The following FBN2 variants were observed in gnomAD, a reference collection of about 807,000 sequenced individuals.
The protein encoded by FBN2 is fibrillin 2.
A neutral mutation model predicts 355.6 loss-of-function variants in FBN2; 105 were observed. That is an observed-to-expected ratio of 0.30 (90% CI 0.25 to 0.35). The LOEUF (loss-of-function observed/expected upper bound fraction) is 0.35. Among genes scored for constraint, FBN2 ranks in the 10% least tolerant of loss-of-function variants. The probability of loss-of-function intolerance (pLI) is 1.00; values close to 1 mark genes in which losing one functional copy is unlikely to be tolerated. For synonymous variants in FBN2, 1,350 were observed against 1,301.2 expected (o/e 1.04, Z -0.81); for missense variants, 3,280 against 3,758.7 (o/e 0.87, Z 3.33).
chr5:128,276,901 A>G lies in FBN2; in HGVS notation c.7472-741T>C, dbSNP rs548240303. ...TTTTGTGCACACTGCTCACACGTGT[A>G]TAGACAGTCTTTTTGTTAGACCCTC... On this transcript the variant is annotated intron_variant, in intron 58 of 64. Transcript: ENST00000262464. Among the ~76,000 whole-genome samples the G allele has an allele frequency of 4.6e-5, 7 of 152,304 alleles. No homozygotes were observed. In the East Asian group the frequency reaches 1.4e-3, roughly 29 times the overall value.
intron 64 of FBN2, among the ~76,000 whole-genome samples, chr5:128,260,268 C>G (rs1561734298): frequency 6.6e-6 from 1 of 151,896 alleles, no homozygotes; most frequent in Non-Finnish European, 1.5e-5. Flanking sequence ...GGGGAATCTT[C>G]TGTCTGAAAG....
chr5:128,260,588 A>G (rs1764940356), intron 64 of FBN2, among the ~76,000 whole-genome samples: 2 of 152,190 alleles, frequency 1.3e-5, no homozygotes, highest in Admixed American at 1.3e-4. Context: ...ATGTCCTAGT[A>G]CCCCAATGGG....
intron 49 of FBN2, among the ~76,000 whole-genome samples, chr5:128,291,205 A>C (rs1289712076): frequency 6.6e-6 from 1 of 152,212 alleles, no homozygotes; most frequent in Non-Finnish European, 1.5e-5. Context: ...ACTTTCAGTA[A>C]GTTACATCAC....
chr5:128,402,263 T>A (rs1752816733), intron 8 of FBN2, among the ~76,000 whole-genome samples: 1 of 152,160 alleles, frequency 6.6e-6, no homozygotes, highest in African/African-American at 2.4e-5. Context: ...CAAAGCCAGA[T>A]GAAAGCCTGT....
chr5:128,466,825 C>G (rs1194465726), intron 5 of FBN2, among the ~76,000 whole-genome samples: 1 of 152,132 alleles, frequency 6.6e-6, no homozygotes, highest in Non-Finnish European at 1.5e-5. Context: ...ACCTTATAAA[C>G]AAACACACTT....
chr5:128,403,208 T>G (rs920275112), intron 8 of FBN2, among the ~76,000 whole-genome samples: 19 of 152,140 alleles, frequency 1.2e-4, no homozygotes, highest in Non-Finnish European at 1.5e-5. Flanking sequence ...AAAACCCATA[T>G]ACTGGTCATC....
At chr5:128,447,278 C>T (rs1236804444) in intron 6 of FBN2, among the ~76,000 whole-genome samples, 2 of 152,158 alleles carry the variant, frequency 1.3e-5, no homozygotes, top group East Asian at 1.9e-4. Flanking sequence ...GGAACAGAGC[C>T]ATATTTCTCT....
intron 7 of FBN2, among the ~76,000 whole-genome samples, chr5:128,444,263 A>AG (rs1186754798): frequency 6.6e-6 from 1 of 150,988 alleles, no homozygotes; most frequent in Non-Finnish European, 1.5e-5. Context: ...TAGTAGAGAC[A>AG]GGGTTTCACC....
chr5:128,460,534 G>A (rs1402696185), intron 6 of FBN2, among the ~76,000 whole-genome samples: 1 of 151,972 alleles, frequency 6.6e-6, no homozygotes, highest in Non-Finnish European at 1.5e-5. Context: ...AATCAAAGAA[G>A]GCCCTGTATA....
Position 128,305,054 on chromosome 5 carries a change from G to A in FBN2, c.5703C>T (p.Asn1901=), listed in dbSNP as rs746592808. 20 of 1,612,392 alleles carry A rather than the reference G, an allele frequency of 1.2e-5. No individual in the cohort carries two copies. In the East Asian group the frequency reaches 1.3e-4, roughly 11 times the overall value. ...CAACACACAAGCCATGACTGCAAAC[G>A]TTAGGAATTTCTAAACATTCATTGC... ...VDRNECLEIP[N]VCSHGLCVDL... The change falls in exon 45 of 65, where the codon AAC becomes AAT. Residue 1901 remains asparagine (N), a synonymous_variant. Coordinates refer to ENST00000262464, the MANE Select transcript of FBN2 (RefSeq NM_001999.4).
intron 5 of FBN2, among the ~76,000 whole-genome samples, chr5:128,466,236 T>C (rs1051808499): frequency 6.6e-6 from 1 of 152,202 alleles, no homozygotes; most frequent in African/African-American, 2.4e-5. Flanking sequence ...AAGTTGTGTG[T>C]TTTTCCTTAC....
intron 42 of FBN2, among the ~76,000 whole-genome samples, chr5:128,306,292 T>C (rs1000462101): frequency 1.2e-4 from 18 of 152,206 alleles, no homozygotes; most frequent in Admixed American, 1.1e-3. Context: ...GTATGTATTT[T>C]ATTTTATCAT....
chr5:128,437,044 T>A (rs139589933), intron 7 of FBN2, among the ~76,000 whole-genome samples: 340 of 152,320 alleles, frequency 2.2e-3, no homozygotes, highest in South Asian at 3.7e-3. Context: ...GAAATGTGAA[T>A]GAGTCACCTT....
intron 7 of FBN2, among the ~76,000 whole-genome samples, chr5:128,434,422 A>ATG (rs1336331779): frequency 1.4e-4 from 19 of 132,704 alleles, no homozygotes; most frequent in African/African-American, 3.9e-4. Flanking sequence ...ATATATATAT[A>ATG]TATGGGCAGT....
chr5:128,305,806 T>C lies in FBN2; in HGVS notation c.5548+17A>G. 2 of 1,613,760 alleles carry C rather than the reference T, an allele frequency of 1.2e-6. No homozygotes were observed. The highest frequency in any genetic ancestry group is 2.2e-5 in the East Asian group (1 of 44,874). On this transcript the variant is annotated intron_variant, in intron 43 of 64. Transcript: ENST00000262464. ...ACCAAATTATACTGGATAAAGGACA[T>C]ACTTTATTCAGATTACCTTCACAAA...
rs760390469 is a variant in FBN2 at position 128,349,375 on chromosome 5, C to A, written c.2961G>T (p.Thr987=). 1 of 1,614,112 alleles carries A rather than the reference C, an allele frequency of 6.2e-7. No individual in the cohort carries two copies. Among genetic ancestry groups the A allele is most frequent in the Non-Finnish European group, 8.5e-7 (1 of 1,180,002 alleles). ...AACATACACGGCCAGTCCCATCCAA[C>A]GTAAGGCCTTCAGGGCACTCGCAAT... ...SFHCECPEGL[T]LDGTGRVCLD... is the part of the protein sequence containing the mutation. The change falls in exon 23 of 65, where the codon ACG becomes ACT. Residue 987 remains threonine (T), a synonymous_variant. Transcript: ENST00000262464.
At chr5:128,309,837 C>G (rs1749984336) in intron 40 of FBN2, 146 bp downstream of exon 40, 1 of 927,894 alleles carries the variant, frequency 1.1e-6, no homozygotes, top group African/African-American at 1.6e-5. Flanking sequence ...AAACTTGATA[C>G]TAAGCCAGCA....
At chr5:128,491,830 A>G (rs1755513684) in intron 5 of FBN2, among the ~76,000 whole-genome samples, 1 of 152,190 alleles carries the variant, frequency 6.6e-6, no homozygotes, top group East Asian at 1.9e-4. Flanking sequence ...CAATTATTCA[A>G]ATATTTATAT....
At chr5:128,510,257 G>GA (rs1756078371) in intron 5 of FBN2, among the ~76,000 whole-genome samples, 1 of 151,712 alleles carries the variant, frequency 6.6e-6, no homozygotes, top group Non-Finnish European at 1.5e-5. Context: ...ACCAAAAAAA[G>GA]AAAAAAGAAA....
Sources: gnomAD v4.1 joint callset for allele counts (sites outside exome capture counted in the v4.1 genomes callset) on GRCh38, gnomAD v4.1.1 for gene constraint, MANE v1.5 for transcripts, NCBI Gene and HGNC (gene_info 2026-07-23, HGNC 2026-07-21) for gene names.